Variants in EDN1 observed in about 807,000 individuals in gnomAD.
The protein encoded by EDN1 is endothelin-1.
In EDN1, 11 loss-of-function variants were observed where a neutral mutation model predicts 21.7. The observed-to-expected ratio is 0.51, with a 90% confidence interval of 0.32 to 0.84. EDN1 has a LOEUF of 0.84. EDN1 is among the 40% of genes least tolerant of loss of function. The pLI is 0.03. For missense variants in EDN1, 244 were observed against 262.3 expected (o/e 0.93, Z 0.48); for synonymous variants, 85 against 90.6 (o/e 0.94, Z 0.35).
chr6:12,264,754 G>A, the EDN1 span, among the ~76,000 whole-genome samples: 1 of 152,138 alleles, frequency 6.6e-6, no homozygotes, highest in African/African-American at 2.4e-5. Context: ...CAGAAGGCGT[G>A]GCATGAAGAT....
chr6:12,286,133 G>A (rs182437455), upstream of EDN1, among the ~76,000 whole-genome samples: 12 of 152,342 alleles, frequency 7.9e-5, no homozygotes, highest in African/African-American at 2.9e-4. Flanking sequence ...TAAAAATTGT[G>A]AAGCAGTTTA....
the EDN1 span, among the ~76,000 whole-genome samples, chr6:12,246,889 T>C: frequency 2.0e-5 from 3 of 152,234 alleles, no homozygotes; most frequent in Non-Finnish European, 4.4e-5. Context: ...TGATTGCTTT[T>C]TGAGACCCTT....
At chr6:12,242,504 A>G in the EDN1 span, among the ~76,000 whole-genome samples, 1 of 152,200 alleles carries the variant, frequency 6.6e-6, no homozygotes, top group Non-Finnish European at 1.5e-5. Context: ...CCTCTATAAA[A>G]TAGGTCTCTA....
Position 12,290,583 on chromosome 6 carries a change from C to T in EDN1, c.-47C>T. The T allele has an allele frequency of 6.4e-7, 1 of 1,551,640 alleles. No individual in the cohort carries two copies. The highest frequency in any genetic ancestry group is 8.9e-7 in the Non-Finnish European group (1 of 1,123,398). On this transcript the variant is annotated 5_prime_UTR_variant, in exon 1 of 5. Coordinates refer to ENST00000379375, the MANE Select transcript of EDN1 (RefSeq NM_001955.5). The stretch of plus-strand genomic sequence containing the variant: ...CCTGAAGCTGTTTTTCTTCGTTTTC[C>T]TTTGGGTTCAGTTTGAACGGGAGGT...
At chr6:12,256,615 T>G in the EDN1 span, among the ~76,000 whole-genome samples, 1 of 152,134 alleles carries the variant, frequency 6.6e-6, no homozygotes, top group Non-Finnish European at 1.5e-5. Context: ...GAAACCAAAC[T>G]GCAGACTTTC....
At chr6:12,293,342 C>T (rs966723969) in intron 2 of EDN1, among the ~76,000 whole-genome samples, 2 of 152,146 alleles carry the variant, frequency 1.3e-5, no homozygotes, top group Non-Finnish European at 2.9e-5. Context: ...TGAAAATGGA[C>T]ACATTGGAAA....
In EDN1 at chr6:12,290,490, C is replaced by T. The variant is rs1762644317; in HGVS notation, c.-140C>T. 1.6e-6 allele frequency: 1 copy of T among 638,598 alleles called. No individual in the cohort carries two copies. The highest frequency in any genetic ancestry group is 2.6e-6 in the Non-Finnish European group (1 of 381,992). 39.6% of individuals were successfully genotyped at this position (638,598 alleles called of 1,614,324 possible). On this transcript the variant is annotated 5_prime_UTR_variant, in exon 1 of 5. Coordinates refer to ENST00000379375, the MANE Select transcript of EDN1 (RefSeq NM_001955.5). Reference sequence around the variant, plus strand: ...CTCCTGGCAGGCGCTGCCTTTTCTCCCCGTTAAAAGGGCACTTGGGCTGAA... The same window carrying T: ...CTCCTGGCAGGCGCTGCCTTTTCTCTCCGTTAAAAGGGCACTTGGGCTGAA...
At chr6:12,262,198 G>A in the EDN1 span, among the ~76,000 whole-genome samples, 5 of 152,344 alleles carry the variant, frequency 3.3e-5, no homozygotes, top group South Asian at 1.0e-3. Flanking sequence ...GCCTTGAAGG[G>A]AATGAAGTGG....
the EDN1 span, among the ~76,000 whole-genome samples, chr6:12,261,632 G>A: frequency 1.3e-5 from 2 of 152,228 alleles, no homozygotes; most frequent in Admixed American, 1.3e-4. Context: ...TTCCCCTAAT[G>A]CTAAGGTGCT....
chr6:12,253,398 C>T, the EDN1 span, among the ~76,000 whole-genome samples: 3 of 151,972 alleles, frequency 2.0e-5, no homozygotes, highest in Non-Finnish European at 4.4e-5. Flanking sequence ...CTTTATAAAG[C>T]CTATATTCTA....
chr6:12,237,760 C>T, the EDN1 span, among the ~76,000 whole-genome samples: 3 of 152,246 alleles, frequency 2.0e-5, no homozygotes, highest in Non-Finnish European at 2.9e-5. Context: ...ATTCTTGGTG[C>T]AGAGAATTGT....
At chr6:12,294,139 C>T in intron 3 of EDN1, 43 bp downstream of exon 3, 1 of 1,614,026 alleles carries the variant, frequency 6.2e-7, no homozygotes. Context: ...TTAACAGCCT[C>T]CTGAACTCCT....
At position 12,296,695 on chromosome 6, in the gene EDN1, C is replaced by T. The variant is rs1405679265; in HGVS notation, c.*628C>T. 6.5e-6 allele frequency: 1 copy of T among 153,456 alleles called. No homozygotes were observed. The highest frequency in any genetic ancestry group is 2.4e-5 in the African/African-American group (1 of 41,436). The allele number at this position is 153,456 out of a possible 1,614,324, so 9.5% of individuals were successfully genotyped here. A position where few individuals can be genotyped will look rare whatever the true frequency, so the allele number is the denominator to read the frequency against. Reference sequence around the variant, plus strand: ...TATTTCCCACATTTAATTATTGCCTCCCCAAACTCTTCCCACCCCTGCTGC... The same window carrying T: ...TATTTCCCACATTTAATTATTGCCTTCCCAAACTCTTCCCACCCCTGCTGC... On this transcript the variant is annotated 3_prime_UTR_variant, in exon 5 of 5. Coordinates refer to ENST00000379375, the MANE Select transcript of EDN1 (RefSeq NM_001955.5).
the EDN1 span, among the ~76,000 whole-genome samples, chr6:12,248,272 G>T: frequency 0.016 from 2,503 of 152,294 alleles, 75 homozygotes; most frequent in African/African-American, 0.055. Flanking sequence ...CATGAAGAGA[G>T]AGCTCTTACC....
chr6:12,274,907 T>G, the EDN1 span, among the ~76,000 whole-genome samples: 1 of 151,180 alleles, frequency 6.6e-6, no homozygotes, highest in Non-Finnish European at 1.5e-5. Flanking sequence ...GGGTACTGGC[T>G]GCTAGAAAGC....
At chr6:12,257,096 C>T in the EDN1 span, among the ~76,000 whole-genome samples, 1 of 152,132 alleles carries the variant, frequency 6.6e-6, no homozygotes, top group Non-Finnish European at 1.5e-5. Context: ...AATCTAATTT[C>T]AAAATAGCAG....
chr6:12,267,393 G>A, the EDN1 span, among the ~76,000 whole-genome samples: 1 of 152,042 alleles, frequency 6.6e-6, no homozygotes, highest in Non-Finnish European at 1.5e-5. Flanking sequence ...ACTCAAGTTA[G>A]CACATGAATT....
the EDN1 span, among the ~76,000 whole-genome samples, chr6:12,274,319 CAG>C: frequency 2.5e-4 from 38 of 152,174 alleles, no homozygotes; most frequent in African/African-American, 2.4e-5. Context: ...CACTTTCTGG[CAG>C]AGAGTGCAAT....
chr6:12,294,338 T>C lies in EDN1; in HGVS notation c.467T>C (p.Ile156Thr). The change falls in exon 4 of 5, where the codon ATT becomes ACT. Residue 156 changes from isoleucine to threonine, a missense_variant. By Grantham distance (89) the Ile-to-Thr change is moderately conservative. Coordinates refer to ENST00000379375, the MANE Select transcript of EDN1 (RefSeq NM_001955.5). ...TGTTCCAAGCTTGGGAAAAAGTGTA[T>C]TTATCAGCAGTTAGTGAGAGGAAGA... ...KDCSKLGKKCIYQQLVRGRKI... is the reference protein window; with the variant it reads ...KDCSKLGKKCTYQQLVRGRKI... 6.2e-7 allele frequency: 1 copy of C among 1,614,160 alleles called. No homozygotes were observed. Among genetic ancestry groups the C allele is most frequent in the Non-Finnish European group, 8.5e-7 (1 of 1,180,028 alleles).
Sources: gnomAD v4.1 joint callset for allele counts (sites outside exome capture counted in the v4.1 genomes callset) on GRCh38, gnomAD v4.1.1 for gene constraint, MANE v1.5 for transcripts, NCBI Gene and HGNC (gene_info 2026-07-23, HGNC 2026-07-21) for gene names.